Variants in SPPL3 observed in about 807,000 individuals in gnomAD.
The protein encoded by SPPL3 is signal peptide peptidase-like 3.
In SPPL3, 5 loss-of-function variants were observed where a neutral mutation model predicts 42.4. The observed-to-expected ratio is 0.12, with a 90% confidence interval of 0.06 to 0.25. The LOEUF (loss-of-function observed/expected upper bound fraction) is 0.25, where lower values mean the gene tolerates loss of function less well. Ranked by LOEUF, SPPL3 falls within the 10% of genes least tolerant of loss-of-function variation. The pLI is 1.00. For synonymous variants in SPPL3, 195 were observed against 181.8 expected, an observed-to-expected ratio of 1.07 and a Z score of -0.58; for missense variants, 235 against 489.0, an observed-to-expected ratio of 0.48 and a Z score of 4.90.
intron 1 of SPPL3, among the ~76,000 whole-genome samples, chr12:120,848,693 T>C (rs1341929659): frequency 2.6e-5 from 4 of 152,200 alleles, no homozygotes; most frequent in East Asian, 1.9e-4. Flanking sequence ...GATTGTTCCA[T>C]TTCTCAAAAA....
At chr12:120,863,462 G>A (rs1025388450) in intron 1 of SPPL3, among the ~76,000 whole-genome samples, 6 of 152,106 alleles carry the variant, frequency 3.9e-5, no homozygotes, top group Admixed American at 2.0e-4. Context: ...TGGCTTAATC[G>A]AAGTCAGCAG....
chr12:120,866,760 C>T (rs1200744345), intron 1 of SPPL3, among the ~76,000 whole-genome samples: 2 of 152,138 alleles, frequency 1.3e-5, no homozygotes, highest in East Asian at 3.8e-4. Flanking sequence ...AACTTTTGGC[C>T]ATCTCCAGTT....
At chr12:120,847,576 G>C (rs924599957) in intron 1 of SPPL3, among the ~76,000 whole-genome samples, 2 of 152,044 alleles carry the variant, frequency 1.3e-5, no homozygotes, top group African/African-American at 2.4e-5. Flanking sequence ...TTACAGGCGT[G>C]AGTCACCAAG....
intron 2 of SPPL3, among the ~76,000 whole-genome samples, chr12:120,794,739 T>A (rs1006087541): frequency 1.3e-5 from 2 of 152,230 alleles, no homozygotes; most frequent in East Asian, 3.8e-4. Flanking sequence ...TCATTGAATG[T>A]GATCAGTGAT....
At chr12:120,784,162 C>G (rs1343407053) in intron 4 of SPPL3, 1 of 250,614 alleles carries the variant, frequency 4.0e-6, no homozygotes, top group Non-Finnish European at 7.7e-6. Context: ...CAAGCTCAAC[C>G]TTCTGGTAAT....
chr12:120,770,710 CG>C (rs2136968384), intron 6 of SPPL3, among the ~76,000 whole-genome samples: 1 of 152,320 alleles, frequency 6.6e-6, no homozygotes, highest in South Asian at 2.1e-4. Context: ...CAGAACTCCA[CG>C]GGCCTTTCCT....
chr12:120,841,047 T>G lies in SPPL3; in HGVS notation c.24-30161A>C, dbSNP rs191042809. Among the ~76,000 whole-genome samples the G allele has an allele frequency of 1.7e-3, 266 of 152,172 alleles. 1 individual carries two copies. Among genetic ancestry groups the G allele is most frequent in the African/African-American group, 5.9e-3 (247 of 41,516 alleles). ...AAACTTACTAAAAAAAGAAACAGGC[T>G]GGGTGCAGTGGCTCATACCTATAAT... On this transcript the variant is annotated intron_variant, in intron 1 of 10. Transcript: ENST00000353487.
intron 6 of SPPL3, 21 bp from the exon 7 acceptor site, chr12:120,769,080 A>G (rs1241679924): frequency 1.3e-6 from 2 of 1,572,396 alleles, no homozygotes; most frequent in South Asian, 1.2e-5. Flanking sequence ...GACAGGGTAC[A>G]GCAGACAGCA....
intron 1 of SPPL3, among the ~76,000 whole-genome samples, chr12:120,839,274 C>T (rs1361381475): frequency 9.5e-5 from 14 of 147,380 alleles, no homozygotes; most frequent in East Asian, 2.0e-4. Context: ...AACCAAACAC[C>T]GCATGTTCTC....
rs561325835 is a variant in SPPL3 at position 120,844,344 on chromosome 12, A to T, written c.24-33458T>A. ...TCACTACCAACTACACTACTGCAATAGTCTCCTAACTAGTCTTACTCCCAT... is the reference window on the plus strand; with the variant it reads ...TCACTACCAACTACACTACTGCAATTGTCTCCTAACTAGTCTTACTCCCAT... On this transcript the variant is annotated intron_variant, in intron 1 of 10. Coordinates refer to ENST00000353487, the MANE Select transcript of SPPL3 (RefSeq NM_139015.5). 2.0e-5 allele frequency among the ~76,000 whole-genome samples: 3 copies of T among 152,262 alleles called. No individual in the cohort carries two copies. In the East Asian group the frequency reaches 5.8e-4, roughly 29 times the overall value.
chr12:120,878,224 A>C (rs1244439966), intron 1 of SPPL3, among the ~76,000 whole-genome samples: 1 of 152,156 alleles, frequency 6.6e-6, no homozygotes, highest in Non-Finnish European at 1.5e-5. Flanking sequence ...AAAACAAAAA[A>C]CAAAAACTTG....
chr12:120,778,379 A>C (rs1383733977), intron 6 of SPPL3, among the ~76,000 whole-genome samples: 1 of 152,012 alleles, frequency 6.6e-6, no homozygotes, highest in African/African-American at 2.4e-5. Context: ...AGCCTCCCAA[A>C]GTGCTGGGAT....
intron 1 of SPPL3, among the ~76,000 whole-genome samples, chr12:120,825,087 A>G (rs1194958414): frequency 6.6e-6 from 1 of 152,098 alleles, no homozygotes; most frequent in African/African-American, 2.4e-5. Context: ...TATTTATAAC[A>G]CAAATGGAAT....
chr12:120,816,938 T>C (rs765674579), intron 1 of SPPL3, among the ~76,000 whole-genome samples: 1 of 152,132 alleles, frequency 6.6e-6, no homozygotes, highest in Non-Finnish European at 1.5e-5. Context: ...CTATTACCTA[T>C]AAAATCCTCT....
chr12:120,881,165 A>T (rs568938557), intron 1 of SPPL3, among the ~76,000 whole-genome samples: 7 of 152,012 alleles, frequency 4.6e-5, no homozygotes, highest in African/African-American at 1.7e-4. Flanking sequence ...GTAATGGTGG[A>T]TCCTCAAAAA....
chr12:120,782,508 T>C (rs1218908813), intron 6 of SPPL3, 147 bp downstream of exon 6: 1 of 562,256 alleles, frequency 1.8e-6, no homozygotes, highest in African/African-American at 1.9e-5. Context: ...GTAAGGGGAA[T>C]GACCGCTCAT....
At chr12:120,887,138 T>TG (rs765723878) in intron 1 of SPPL3, among the ~76,000 whole-genome samples, 1 of 152,200 alleles carries the variant, frequency 6.6e-6, no homozygotes, top group African/African-American at 2.4e-5. Context: ...TTAGTAGAGA[T>TG]GGGGTTTCAC....
intron 10 of SPPL3, 67 bp from the exon 11 acceptor site, chr12:120,765,137 T>C: frequency 8.4e-7 from 1 of 1,196,684 alleles, no homozygotes; most frequent in Non-Finnish European, 1.1e-6. Context: ...TCTGATTCTT[T>C]AAAAAAAAAA....
intron 6 of SPPL3, chr12:120,769,330 C>T (rs1869029124): frequency 3.1e-6 from 1 of 321,922 alleles, no homozygotes; most frequent in African/African-American, 2.1e-5. Flanking sequence ...GACCTCCAAG[C>T]TCTCTTTTCC....
Sources: allele counts gnomAD v4.1 joint callset (sites outside exome capture counted in the v4.1 genomes callset), GRCh38; gene constraint gnomAD v4.1.1; transcripts MANE v1.5; gene names NCBI Gene and HGNC (gene_info 2026-07-23, HGNC 2026-07-21).